The following GTF3A variants were observed in gnomAD, a reference collection of about 807,000 sequenced individuals.
GTF3A encodes the protein general transcription factor IIIA.
GTF3A carries 40 observed loss-of-function variants against 37.6 expected under a neutral mutation model. The observed-to-expected ratio is 1.06, with a 90% CI of 0.83 to 1.38. The LOEUF is 1.38. GTF3A is among the 40% of genes most tolerant of loss of function. GTF3A has a pLI of 0.00. For missense variants in GTF3A, 500 were observed against 462.6 expected (o/e 1.08, Z -0.74); for synonymous variants, 191 against 166.7 (o/e 1.15, Z -1.12).
rs377641090 is a variant in GTF3A at position 27,435,592 on chromosome 13, G to A, written c.1093G>A (p.Gly365Ser). 6 of 1,613,390 alleles carry A rather than the reference G, an allele frequency of 3.7e-6. No individual in the cohort carries two copies. Among genetic ancestry groups the A allele is most frequent in the Non-Finnish European group, 4.2e-6 (5 of 1,179,556 alleles). Residue 365 changes from glycine (G) to serine (S), a missense_variant, in exon 9 of 9, where the codon GGC (glycine) becomes AGC (serine). By Grantham distance (56) the Gly-to-Ser change is moderately conservative (BLOSUM62 0). Transcript: ENST00000381140. ...CTCGACAGTTGCAGTACTTACCCTT[G>A]GCTAAGAACTGCACTGCTTTGTTTA...
At chr13:27,432,692 A>G in intron 4 of GTF3A, 39 bp from the exon 5 acceptor site, 1 of 1,543,636 alleles carries the variant, frequency 6.5e-7, no homozygotes, top group South Asian at 1.2e-5. Flanking sequence ...GTTCTCTGTG[A>G]AAATGGATTG....
rs776335689 is a variant in GTF3A, at chr13:27,424,806, C to T, written c.69C>T (p.Ala23=). Residue 23 remains alanine (A), a synonymous_variant, in exon 1 of 9, where the codon GCC becomes GCT. Coordinates refer to ENST00000381140, the MANE Select transcript of GTF3A (RefSeq NM_002097.3). ...CCATCGCCGACGCGTTCATTGCAGC[C>T]GGCGAGAGCTCAGCTCCGACCCCGC... The T allele has an allele frequency of 9.7e-6, 15 of 1,545,534 alleles. No individual in the cohort carries two copies. Among genetic ancestry groups the T allele is most frequent in the Non-Finnish European group, 1.3e-5 (15 of 1,144,982 alleles).
intron 6 of GTF3A, 142 bp from the exon 7 acceptor site, chr13:27,434,661 CTG>C (rs1273963760): frequency 1.7e-6 from 1 of 591,084 alleles, no homozygotes; most frequent in African/African-American, 1.9e-5. Context: ...GTGATAAAAA[CTG>C]GGGTTGTTTC....
intron 5 of GTF3A, 77 bp downstream of exon 5, chr13:27,432,881 G>A (rs980723584): frequency 6.6e-6 from 8 of 1,213,798 alleles, no homozygotes; most frequent in East Asian, 2.5e-5. Flanking sequence ...CTGTGATCAC[G>A]CTGAAAAGAT....
At position 27,427,105 on chromosome 13, in the gene GTF3A, G is replaced by T. The variant is rs1311927582; in HGVS notation, c.215G>T (p.Cys72Phe). 7.0e-6 allele frequency: 11 copies of T among 1,574,568 alleles called. No homozygotes were observed. The highest frequency in any genetic ancestry group is 9.6e-6 in the Non-Finnish European group (11 of 1,144,692). The change falls in exon 2 of 9, where the codon TGT becomes TTT. Residue 72 changes from cysteine (C) to phenylalanine (F), a missense_variant. Coordinates refer to ENST00000381140, the MANE Select transcript of GTF3A (RefSeq NM_002097.3). Reference sequence around the variant, plus strand: ...TTTTCCTGCTAGAGACCATTTGTTTGTGACTATGAAGGGTGTGGCAAGGCC... The same window carrying T: ...TTTTCCTGCTAGAGACCATTTGTTTTTGACTATGAAGGGTGTGGCAAGGCC...
At chr13:27,430,449 TTG>T (rs1953646601) in intron 3 of GTF3A, 82 bp from the exon 4 acceptor site, 20 of 791,110 alleles carry the variant, frequency 2.5e-5, no homozygotes, top group Non-Finnish European at 2.1e-6. Context: ...GTCTCCAAAA[TTG>T]TTTTATCTTG....
In GTF3A at chr13:27,435,603, G is replaced by C. The variant is rs540756188; in HGVS notation, c.*6G>C. 4.3e-6 allele frequency: 7 copies of C among 1,613,184 alleles called. No homozygotes were observed. In the Middle Eastern group the frequency reaches 4.9e-4, roughly 114 times the overall value. ...CAGTACTTACCCTTGGCTAAGAACT[G>C]CACTGCTTTGTTTAAAGGACTGCAG... On this transcript the variant is annotated 3_prime_UTR_variant, in exon 9 of 9. Coordinates refer to ENST00000381140, the MANE Select transcript of GTF3A (RefSeq NM_002097.3).
Position 27,430,586 on chromosome 13 carries a change from C to T in GTF3A, c.453C>T (p.Ile151=), listed in dbSNP as rs1210088570. The change falls in exon 4 of 9, where the codon ATC becomes ATT. Residue 151 remains isoleucine, a synonymous_variant. Coordinates refer to ENST00000381140, the MANE Select transcript of GTF3A (RefSeq NM_002097.3). ...TTAAGAAACATCAGCAGCTGAAAAT[C>T]CATCAGTGCCAGCATACCAATGAAC... is the stretch of plus-strand genomic sequence containing the variant. 3.1e-6 allele frequency: 5 copies of T among 1,611,804 alleles called. No homozygotes were observed. The highest frequency in any genetic ancestry group is 4.2e-6 in the Non-Finnish European group (5 of 1,178,202).
intron 2 of GTF3A, among the ~76,000 whole-genome samples, chr13:27,428,558 T>C (rs1016599025): frequency 2.0e-5 from 3 of 152,216 alleles, no homozygotes; most frequent in Admixed American, 1.3e-4. Flanking sequence ...CATGAAGCTG[T>C]GGTCCAGCTG....
chr13:27,424,896 A>C lies in GTF3A; in HGVS notation c.159A>C (p.Lys53Asn), dbSNP rs1367522674. The C allele has an allele frequency of 6.5e-7, 1 of 1,549,810 alleles. No homozygotes were observed. Among genetic ancestry groups the C allele is most frequent in the African/African-American group, 1.4e-5 (1 of 72,958 alleles). The change falls in exon 1 of 9, where the codon AAA becomes AAC. Residue 53 changes from lysine to asparagine, a missense_variant. Lys to Asn is a moderately conservative substitution (Grantham distance 94). Transcript: ENST00000381140. The stretch of plus-strand genomic sequence containing the variant: ...CTGACTGCAGCGCCAATTACAGCAA[A>C]GCCTGGAAGCTTGACGCGCACCTGT...
chr13:27,434,207 G>GA lies in GTF3A; in HGVS notation c.634dup (p.Thr212AsnfsTer3). On this transcript the variant is annotated frameshift_variant, in exon 6 of 9. Coordinates refer to ENST00000381140, the MANE Select transcript of GTF3A (RefSeq NM_002097.3). LOFTEE classifies it high-confidence loss of function. ...GACGGAACTTCTGAAACATGTGAGAGAAACCCATAAAGGTAAGGCAGGCAT... is the reference window on the plus strand; with the variant it reads ...GACGGAACTTCTGAAACATGTGAGAGAAAACCCATAAAGGTAAGGCAGGCAT... The GA allele has an allele frequency of 1.5e-6, 2 of 1,293,090 alleles. No homozygotes were observed. Among genetic ancestry groups the GA allele is most frequent in the Non-Finnish European group, 2.3e-6 (2 of 886,834 alleles). The allele number at this position is 1,293,090 out of a possible 1,614,324, so 80.1% of individuals were successfully genotyped here.
intron 5 of GTF3A, among the ~76,000 whole-genome samples, chr13:27,433,807 AACTTCCTGAGAACTCTT>A (rs1460734342): frequency 6.6e-6 from 1 of 152,162 alleles, no homozygotes; most frequent in Non-Finnish European, 1.5e-5. Context: ...CAGCCTACCC[AACTTCCTGAGAACTCTT>A]AGAGAGGAAA....
intron 6 of GTF3A, chr13:27,434,516 G>T: frequency 1.9e-6 from 1 of 512,898 alleles, no homozygotes; most frequent in Non-Finnish European, 3.4e-6. Context: ...CATACTGGGG[G>T]ACAAGGAAGG....
At chr13:27,430,685 G>C in intron 4 of GTF3A, 64 bp downstream of exon 4, 1 of 1,011,590 alleles carries the variant, frequency 9.9e-7, no homozygotes, top group East Asian at 2.4e-5. Flanking sequence ...GAAATGCAAG[G>C]GTGGTGTTGA....
Position 27,435,747 on chromosome 13 carries a change from T to TTGAGTTTCTTTATATGCCTTCTCC in GTF3A, c.*152_*175dup. The TTGAGTTTCTTTATATGCCTTCTCC allele has an allele frequency of 6.2e-7, 1 of 1,614,162 alleles. No individual in the cohort carries two copies. The highest frequency in any genetic ancestry group is 8.5e-7 in the Non-Finnish European group (1 of 1,179,990). ...TCAAAGTGTCTCTTTCCTGGGTCTC[T>TTGAGTTTCTTTATATGCCTTCTCC]TGAGTTTCTTTATATGCCTTCTCCT... is the stretch of plus-strand genomic sequence containing the variant. On this transcript the variant is annotated 3_prime_UTR_variant, in exon 9 of 9. Coordinates refer to ENST00000381140, the MANE Select transcript of GTF3A (RefSeq NM_002097.3).
intron 6 of GTF3A, chr13:27,434,600 A>G: frequency 5.2e-6 from 3 of 578,180 alleles, no homozygotes; most frequent in Middle Eastern, 4.5e-4. Flanking sequence ...GCAAGTGAAC[A>G]ATGACTGTGT....
chr13:27,433,624 G>A (rs371965300), intron 5 of GTF3A, among the ~76,000 whole-genome samples: 2 of 151,042 alleles, frequency 1.3e-5, no homozygotes, highest in East Asian at 3.9e-4. Context: ...GGCCAGACTA[G>A]AGGAAGCCAG....
chr13:27,434,092 T>C (rs1344982625), intron 5 of GTF3A, 47 bp from the exon 6 acceptor site: 1 of 803,986 alleles, frequency 1.2e-6, no homozygotes, highest in Non-Finnish European at 2.3e-6. Context: ...ATGGTCAGTG[T>C]TTACACTGAG....
At position 27,424,746 on chromosome 13, in the gene GTF3A, G is replaced by A. The variant is rs1300050629; in HGVS notation, c.9G>A (p.Pro3=). The A allele has an allele frequency of 8.8e-6, 13 of 1,469,002 alleles. No individual in the cohort carries two copies. Among genetic ancestry groups the A allele is most frequent in the Non-Finnish European group, 1.2e-5 (13 of 1,110,528 alleles). The allele number at this position is 1,469,002 out of a possible 1,614,324, so 91.0% of individuals were successfully genotyped here. ...TTGGAGGCGCCGGCGCCCTGGATCC[G>A]CCGGCCGTGGTCGCCGAGTCGGTGT... The change falls in exon 1 of 9, where the codon CCG becomes CCA. Residue 3 remains proline, a synonymous_variant. Coordinates refer to ENST00000381140, the MANE Select transcript of GTF3A (RefSeq NM_002097.3).
Sources: allele counts gnomAD v4.1 joint callset (sites outside exome capture counted in the v4.1 genomes callset), GRCh38; gene constraint gnomAD v4.1.1; transcripts MANE v1.5; gene names NCBI Gene and HGNC (gene_info 2026-07-23, HGNC 2026-07-21).